Variants in SLAIN2 observed in about 807,000 individuals in gnomAD.
The protein encoded by SLAIN2 is SLAIN motif-containing protein 2.
Under a neutral mutation model 56.6 loss-of-function variants are expected in SLAIN2, and 31 were observed. The observed-to-expected ratio is 0.55, with a 90% CI of 0.41 to 0.74. The LOEUF is 0.74. Ranked by LOEUF, SLAIN2 falls within the 30% of genes least tolerant of loss-of-function variation. The pLI is 0.00. For missense variants in SLAIN2, 777 were observed against 754.2 expected (o/e 1.03, Z -0.35); for synonymous variants, 317 against 284.9 (o/e 1.11, Z -1.13).
At chr4:48,411,372 C>G (rs1467790047) in intron 6 of SLAIN2, among the ~76,000 whole-genome samples, 1 of 152,106 alleles carries the variant, frequency 6.6e-6, no homozygotes, top group Non-Finnish European at 1.5e-5. Flanking sequence ...CAAACAAACA[C>G]TCCTATGTTT....
At chr4:48,357,510 T>C (rs1715191023) in intron 1 of SLAIN2, among the ~76,000 whole-genome samples, 1 of 150,728 alleles carries the variant, frequency 6.6e-6, no homozygotes, top group Non-Finnish European at 1.5e-5. Flanking sequence ...GCCTCCCAAG[T>C]AGCTGGGACT....
At chr4:48,400,400 T>C (rs1716517585) in intron 6 of SLAIN2, among the ~76,000 whole-genome samples, 9 of 124,410 alleles carry the variant, frequency 7.2e-5, no homozygotes, top group Admixed American at 4.9e-4. Flanking sequence ...TTTTTTTTTT[T>C]TTTTTTTTTT....
At chr4:48,367,368 C>T (rs1322986863) in intron 1 of SLAIN2, among the ~76,000 whole-genome samples, 1 of 152,146 alleles carries the variant, frequency 6.6e-6, no homozygotes, top group Non-Finnish European at 1.5e-5. Flanking sequence ...TCATTGTCTC[C>T]CTTTTCATCA....
rs192926195 is a variant in SLAIN2 at position 48,395,654 on chromosome 4, G to C, written c.1360+11870G>C. On this transcript the variant is annotated intron_variant, in intron 6 of 7. Coordinates refer to ENST00000264313, the MANE Select transcript of SLAIN2 (RefSeq NM_020846.2). ...ATGAATGTTTGTATTTTGAATATCAGAAGTTGACCATGGGCCTCCAATATG... is the reference window on the plus strand; with the variant it reads ...ATGAATGTTTGTATTTTGAATATCACAAGTTGACCATGGGCCTCCAATATG... Among the ~76,000 whole-genome samples the C allele has an allele frequency of 2.6e-4, 39 of 152,174 alleles. No individual in the cohort carries two copies. The East Asian group carries it at 5.6e-3, about 22-fold the overall frequency.
At chr4:48,399,464 C>A (rs1445699683) in intron 6 of SLAIN2, among the ~76,000 whole-genome samples, 1 of 152,194 alleles carries the variant, frequency 6.6e-6, no homozygotes, top group African/African-American at 2.4e-5. Context: ...GATAATTTGA[C>A]TTCCTCTCTT....
At chr4:48,402,957 C>A (rs560451484) in intron 6 of SLAIN2, among the ~76,000 whole-genome samples, 1 of 152,070 alleles carries the variant, frequency 6.6e-6, no homozygotes, top group South Asian at 2.1e-4. Context: ...ACAGTCAGGC[C>A]CTTCTTCCAT....
chr4:48,403,349 C>T (rs925614722), intron 6 of SLAIN2, among the ~76,000 whole-genome samples: 15 of 151,814 alleles, frequency 9.9e-5, no homozygotes, highest in African/African-American at 3.6e-4. Flanking sequence ...AGCGGTCGCT[C>T]CTCCTCCAGG....
intron 1 of SLAIN2, among the ~76,000 whole-genome samples, chr4:48,360,009 C>T (rs1420858889): frequency 3.9e-5 from 6 of 151,996 alleles, no homozygotes; most frequent in Non-Finnish European, 7.4e-5. Context: ...CAAAAATTAG[C>T]TGGGCATGGT....
At chr4:48,382,418 A>C in intron 4 of SLAIN2, 150 bp from the exon 5 acceptor site, 1 of 647,538 alleles carries the variant, frequency 1.5e-6, no homozygotes, top group South Asian at 3.8e-5. Context: ...TGGACATATA[A>C]GCCTATATAA....
chr4:48,421,018 G>A (rs1577743803), intron 7 of SLAIN2, among the ~76,000 whole-genome samples: 1 of 151,114 alleles, frequency 6.6e-6, no homozygotes, highest in South Asian at 2.1e-4. Flanking sequence ...TTTTGTTTTT[G>A]TTTTGTTTTT....
chr4:48,348,154 C>G (rs1714919145), intron 1 of SLAIN2, among the ~76,000 whole-genome samples: 1 of 152,070 alleles, frequency 6.6e-6, no homozygotes, highest in Admixed American at 6.6e-5. Context: ...AACTGTTCAT[C>G]GCTAGACTAA....
chr4:48,376,271 T>C (rs1715806446), intron 2 of SLAIN2, among the ~76,000 whole-genome samples: 1 of 151,970 alleles, frequency 6.6e-6, no homozygotes, highest in African/African-American at 2.4e-5. Context: ...CTGGGAGACA[T>C]GGCAAAACCT....
At chr4:48,375,329 ATG>A (rs953844487) in intron 2 of SLAIN2, among the ~76,000 whole-genome samples, 3 of 152,186 alleles carry the variant, frequency 2.0e-5, no homozygotes, top group African/African-American at 7.2e-5. Context: ...CATGGTGAAT[ATG>A]TACAAAACTA....
intron 1 of SLAIN2, among the ~76,000 whole-genome samples, chr4:48,366,285 G>T (rs551291713): frequency 6.6e-6 from 1 of 152,268 alleles, no homozygotes; most frequent in South Asian, 2.1e-4. Context: ...TGTGTTTTCT[G>T]TTACTGTTGG....
At chr4:48,402,715 A>T (rs535274290) in intron 6 of SLAIN2, among the ~76,000 whole-genome samples, 1 of 152,192 alleles carries the variant, frequency 6.6e-6, no homozygotes, top group South Asian at 2.1e-4. Flanking sequence ...TCAGAACCCT[A>T]CTTCTGTCAA....
intron 6 of SLAIN2, among the ~76,000 whole-genome samples, chr4:48,398,894 C>G (rs10025898): frequency 0.6 from 90,749 of 152,050 alleles, 27,443 homozygotes; most frequent in South Asian, 0.71. Flanking sequence ...TTTGGTAACT[C>G]TAGCCTTGTA....
chr4:48,381,356 T>G (rs1715966711), intron 4 of SLAIN2, among the ~76,000 whole-genome samples: 1 of 151,584 alleles, frequency 6.6e-6, no homozygotes, highest in South Asian at 2.1e-4. Context: ...AACTACAGCT[T>G]TTTTTTTGTC....
Position 48,425,140 on chromosome 4 carries a change from A to G in SLAIN2, c.*3063A>G, listed in dbSNP as rs1717267160. 2 of 152,224 alleles carry G rather than the reference A, an allele frequency of 1.3e-5. No homozygotes were observed. Among genetic ancestry groups the G allele is most frequent in the South Asian group, 4.1e-4 (2 of 4,828 alleles). The allele number at this position is 152,224 out of a possible 1,614,324, so 9.4% of individuals were successfully genotyped here. ...TTTTTCTTTAACCACAGAAACCCAAATCATATTGCCCTTTCAGATTTAGTC... is the reference window on the plus strand; with the variant it reads ...TTTTTCTTTAACCACAGAAACCCAAGTCATATTGCCCTTTCAGATTTAGTC... On this transcript the variant is annotated 3_prime_UTR_variant, in exon 8 of 8. Transcript: ENST00000264313.
chr4:48,421,916 C>A (rs2109792575), intron 7 of SLAIN2, 95 bp from the exon 8 acceptor site: 1 of 1,009,106 alleles, frequency 9.9e-7, no homozygotes, highest in Middle Eastern at 2.1e-4. Context: ...GATCGTGATG[C>A]CACCTGAAGA....
Sources: allele counts gnomAD v4.1 joint callset (sites outside exome capture counted in the v4.1 genomes callset), GRCh38; gene constraint gnomAD v4.1.1; transcripts MANE v1.5; gene names NCBI Gene and HGNC (gene_info 2026-07-23, HGNC 2026-07-21).